The following ABCC9 variants were observed in gnomAD, a reference collection of about 807,000 sequenced individuals.
The protein encoded by ABCC9 is ATP binding cassette subfamily C member 9, also known as ATP-binding cassette sub-family C member 9.
ABCC9 carries 95 observed loss-of-function variants against 188.3 expected under a neutral mutation model. The ratio of observed to expected loss-of-function variants is 0.50; its 90% CI spans 0.43 to 0.60. The LOEUF (loss-of-function observed/expected upper bound fraction) is 0.60, where lower values mean the gene tolerates loss of function less well. ABCC9 is among the 20% of genes least tolerant of loss of function. The pLI is 0.00. For synonymous variants in ABCC9, 659 were observed against 652.7 expected (o/e 1.01, Z -0.15); for missense variants, 1,102 against 1,876.3 (o/e 0.59, Z 7.62).
chr12:21,915,514 A>ATATATTTTTTT lies in ABCC9; in HGVS notation c.816+153_816+154insAAAAAAATATA. Among the ~76,000 whole-genome samples the ATATATTTTTTT allele has an allele frequency of 2.0e-3, 7 of 3,520 alleles. 1 individual carries two copies. Among genetic ancestry groups the ATATATTTTTTT allele is most frequent in the Non-Finnish European group, 3.3e-3 (7 of 2,142 alleles). 2.3% of individuals were successfully genotyped at this position (3,520 alleles called of 152,430 possible). On this transcript the variant is annotated intron_variant, in intron 7 of 39. Transcript: ENST00000261200. The stretch of plus-strand genomic sequence containing the variant: ...TGTGTGTGTGTGTATATATATATAT[A>ATATATTTTTTT]TTTTTTTTTTTTTTTTGAGACAGAG...
In ABCC9 at chr12:21,936,615, T is replaced by A. The variant is rs1404156288; in HGVS notation, c.60A>T (p.Leu20=). Residue 20 remains leucine, a synonymous_variant, in exon 3 of 40, where the codon CTA becomes CTT. Transcript: ENST00000261200. ...ISSYNINDGV[L]QNSCFVDALN... is the part of the protein sequence containing the mutation. The stretch of plus-strand genomic sequence containing the variant: ...GGGCATCCACAAAGCAGGAATTTTG[T>A]AGTACACCATCGTTGATATTATATG... 2 of 1,611,896 alleles carry A rather than the reference T, an allele frequency of 1.2e-6. No homozygotes were observed. Among genetic ancestry groups the A allele is most frequent in the Non-Finnish European group, 1.7e-6 (2 of 1,178,134 alleles).
chr12:21,838,483 G>A (rs1298759236), intron 29 of ABCC9, among the ~76,000 whole-genome samples: 3 of 152,146 alleles, frequency 2.0e-5, no homozygotes, highest in Non-Finnish European at 4.4e-5. Context: ...GGACATTGGT[G>A]GGATTTTCCT....
chr12:21,923,743 T>C, intron 5 of ABCC9: 2 of 652,028 alleles, frequency 3.1e-6, no homozygotes, highest in East Asian at 2.8e-5. Flanking sequence ...TACCCACTTA[T>C]TGTATGACCC....
At position 21,798,031 on chromosome 12, in the gene ABCC9, T is replaced by C. The variant is rs1187675304; in HGVS notation, c.*3013A>G. 1 of 152,196 alleles carries C rather than the reference T, an allele frequency of 6.6e-6. No homozygotes were observed. The highest frequency in any genetic ancestry group is 2.4e-5 in the African/African-American group (1 of 41,452). 9.4% of individuals were successfully genotyped at this position (152,196 alleles called of 1,614,324 possible). A position where few individuals can be genotyped will look rare whatever the true frequency, so the allele number is the denominator to read the frequency against. Reference sequence around the variant, plus strand: ...GATTATATGTATAATAAATGGTTAATCAATGAAAAACATTATCCTTGACCT... The same window carrying C: ...GATTATATGTATAATAAATGGTTAACCAATGAAAAACATTATCCTTGACCT... On this transcript the variant is annotated 3_prime_UTR_variant, in exon 40 of 40. Coordinates refer to ENST00000261200, the MANE Select transcript of ABCC9 (RefSeq NM_020297.4).
rs188469928 is a variant in ABCC9 at position 21,896,156 on chromosome 12, A to G, written c.1619-841T>C. ...TTTAGGGTACATGTGCACATTGTGC[A>G]GGTTAGTTACATATGTATACATGTG... On this transcript the variant is annotated intron_variant, in intron 12 of 39. Transcript: ENST00000261200. Among the ~76,000 whole-genome samples, 26 of 141,340 alleles carry G rather than the reference A, an allele frequency of 1.8e-4. No homozygotes were observed. In the East Asian group the frequency reaches 5.0e-3, roughly 27 times the overall value. The allele number at this position is 141,340 out of a possible 152,430, so 92.7% of individuals were successfully genotyped here. A position where few individuals can be genotyped will look rare whatever the true frequency, so the allele number is the denominator to read the frequency against.
At position 21,914,900 on chromosome 12, in the gene ABCC9, C is replaced by CT. The variant is rs377103461; in HGVS notation, c.816+767dup. On this transcript the variant is annotated intron_variant, in intron 7 of 39. Coordinates refer to ENST00000261200, the MANE Select transcript of ABCC9 (RefSeq NM_020297.4). Reference sequence around the variant, plus strand: ...ATAGATATGATTTAAGCTTTGTGTCCTTTTTTTTTTTTTTTTTGAGGCAGA... The same window carrying CT: ...ATAGATATGATTTAAGCTTTGTGTCCTTTTTTTTTTTTTTTTTTGAGGCAGA... 7.5e-3 allele frequency among the ~76,000 whole-genome samples: 1,013 copies of CT among 134,948 alleles called. 6 individuals are homozygous for CT. Among genetic ancestry groups the CT allele is most frequent in the African/African-American group, 0.02 (745 of 36,670 alleles). 88.5% of individuals were successfully genotyped at this position (134,948 alleles called of 152,430 possible).
At chr12:21,922,515 A>C (rs1210341681) in intron 5 of ABCC9, among the ~76,000 whole-genome samples, 3 of 151,920 alleles carry the variant, frequency 2.0e-5, no homozygotes, top group African/African-American at 7.2e-5. Flanking sequence ...ATGAAATATG[A>C]AATAAATTTC....
chr12:21,829,431 G>A (rs981231788), intron 30 of ABCC9, among the ~76,000 whole-genome samples: 4 of 152,010 alleles, frequency 2.6e-5, no homozygotes, highest in Non-Finnish European at 4.4e-5. Flanking sequence ...TCGATCTCCT[G>A]ACCTTGTGAT....
chr12:21,799,385 T>C lies in ABCC9; in HGVS notation c.*1659A>G, dbSNP rs1384463535. ...CCCTACAAAATATTTAAACACCATTTTAGGAGAGTGGTTGAATTTTTAGAA... is the reference window on the plus strand; with the variant it reads ...CCCTACAAAATATTTAAACACCATTCTAGGAGAGTGGTTGAATTTTTAGAA... On this transcript the variant is annotated 3_prime_UTR_variant, in exon 40 of 40. Coordinates refer to ENST00000261200, the MANE Select transcript of ABCC9 (RefSeq NM_020297.4). The C allele has an allele frequency of 6.6e-6, 1 of 152,156 alleles. No individual in the cohort carries two copies. The highest frequency in any genetic ancestry group is 1.5e-5 in the Non-Finnish European group (1 of 68,018). 9.4% of individuals were successfully genotyped at this position (152,156 alleles called of 1,614,324 possible).
chr12:21,856,959 T>A (rs1945257892), intron 22 of ABCC9, among the ~76,000 whole-genome samples: 1 of 152,196 alleles, frequency 6.6e-6, no homozygotes, highest in Non-Finnish European at 1.5e-5. Context: ...GCATTTAGCT[T>A]GAGGATACCA....
At chr12:21,863,931 T>C (rs1253873359) in intron 19 of ABCC9, among the ~76,000 whole-genome samples, 2 of 152,138 alleles carry the variant, frequency 1.3e-5, no homozygotes, top group Non-Finnish European at 2.9e-5. Flanking sequence ...CTATATAGTA[T>C]GCTAGCAGTC....
rs756470510 is a variant in ABCC9 at position 21,913,114 on chromosome 12, T to A, written c.817-48A>T. On this transcript the variant is annotated intron_variant, in intron 7 of 39. Coordinates refer to ENST00000261200, the MANE Select transcript of ABCC9 (RefSeq NM_020297.4). ...AAAAACAGATGTAACAAAATAAAAC[T>A]GCTTAGAGCAGTAACTAATCTCATG... The A allele has an allele frequency of 2.4e-5, 36 of 1,514,858 alleles. No individual in the cohort carries two copies. The East Asian group carries it at 7.4e-4, about 31-fold the overall frequency. 93.8% of individuals were successfully genotyped at this position (1,514,858 alleles called of 1,614,324 possible). A position where few individuals can be genotyped will look rare whatever the true frequency, so the allele number is the denominator to read the frequency against.
At chr12:21,913,253 A>G (rs1948405043) in intron 7 of ABCC9, among the ~76,000 whole-genome samples, 187 bp from the exon 8 acceptor site, 1 of 152,174 alleles carries the variant, frequency 6.6e-6, no homozygotes, top group South Asian at 2.1e-4. Flanking sequence ...CTACGAAAAT[A>G]GTAGCTACTG....
At chr12:21,895,582 A>G (rs543641561) in intron 12 of ABCC9, among the ~76,000 whole-genome samples, 4 of 152,334 alleles carry the variant, frequency 2.6e-5, no homozygotes, top group Admixed American at 2.6e-4. Context: ...AAGAATCCAT[A>G]TAAAATCATC....
intron 35 of ABCC9, among the ~76,000 whole-genome samples, chr12:21,814,079 C>CAT (rs1303760358): frequency 6.6e-6 from 1 of 152,018 alleles, no homozygotes; most frequent in Non-Finnish European, 1.5e-5. Context: ...TCTTGTGTAT[C>CAT]ATATTATTAA....
In ABCC9 at chr12:21,801,152, G is replaced by T; in HGVS notation, c.4542C>A (p.Asp1514Glu). The T allele has an allele frequency of 6.2e-7, 1 of 1,613,926 alleles. No homozygotes were observed. The highest frequency in any genetic ancestry group is 8.5e-7 in the Non-Finnish European group (1 of 1,179,904). The part of the protein sequence containing the change: ...AHRVHTILTA[D>E]LVIVMKRGNI... ...TTCCTCGCTTCATCACAATAACCAGGTCTGCCGTCAGAATAGTGTGTACTC... is the reference window on the plus strand; with the variant it reads ...TTCCTCGCTTCATCACAATAACCAGTTCTGCCGTCAGAATAGTGTGTACTC... Residue 1514 changes from aspartate (D) to glutamate (E), a missense_variant, in exon 40 of 40, where the codon GAC (aspartate) becomes GAA (glutamate). This residue lies in a region of ABCC9 where 40 missense variants were observed against 105.5 expected (regional missense o/e 0.38). Transcript: ENST00000261200.
intron 4 of ABCC9, among the ~76,000 whole-genome samples, chr12:21,926,636 CAT>C (rs1357446557): frequency 9.9e-4 from 151 of 152,290 alleles, no homozygotes; most frequent in Non-Finnish European, 5.9e-4. Context: ...AGTGTGAGAA[CAT>C]AGAGTGCACG....
intron 25 of ABCC9, 23 bp downstream of exon 25, chr12:21,848,127 C>T (rs1425497568): frequency 2.5e-6 from 4 of 1,600,432 alleles, no homozygotes; most frequent in Non-Finnish European, 3.4e-6. Flanking sequence ...TAGAATGTTC[C>T]AGATAAAAGA....
intron 15 of ABCC9, among the ~76,000 whole-genome samples, chr12:21,884,559 G>A (rs1186297770): frequency 6.6e-6 from 1 of 152,100 alleles, no homozygotes; most frequent in Non-Finnish European, 1.5e-5. Context: ...GTTTTACTAT[G>A]GGAATTAGGA....
Sources: allele counts gnomAD v4.1 joint callset (sites outside exome capture counted in the v4.1 genomes callset), GRCh38; gene constraint gnomAD v4.1.1; regional missense constraint gnomAD v4.1.1; transcripts MANE v1.5; gene names NCBI Gene and HGNC (gene_info 2026-07-23, HGNC 2026-07-21).